KCNAB1: variants seen among roughly 807,000 people sequenced by gnomAD.
KCNAB1 encodes potassium voltage-gated channel subfamily A regulatory beta subunit 1.
KCNAB1 carries 35 observed loss-of-function variants against 64.6 expected under a neutral mutation model. The ratio of observed to expected loss-of-function variants is 0.54; its 90% confidence interval spans 0.41 to 0.72. KCNAB1 has a LOEUF of 0.72. Ranked by LOEUF, KCNAB1 falls within the 30% of genes least tolerant of loss-of-function variation. The pLI, the probability that KCNAB1 is intolerant of heterozygous loss-of-function variation, is 0.00. For synonymous variants in KCNAB1, 177 were observed against 183.8 expected (o/e 0.96, Z 0.30); for missense variants, 401 against 512.9 (o/e 0.78, Z 2.11).
intron 8 of KCNAB1, among the ~76,000 whole-genome samples, chr3:156,480,356 C>G (rs1006141467): frequency 5.3e-5 from 8 of 151,176 alleles, no homozygotes; most frequent in African/African-American, 1.9e-4. Context: ...GAGAGAGGAA[C>G]AACACATATC....
chr3:156,411,399 A>T (rs1342709075), intron 1 of KCNAB1, among the ~76,000 whole-genome samples: 1 of 152,124 alleles, frequency 6.6e-6, no homozygotes, highest in Non-Finnish European at 1.5e-5. Context: ...TTAATGGATC[A>T]TCTTTTTTAT....
At chr3:156,490,676 T>TA (rs919772214) in intron 8 of KCNAB1, among the ~76,000 whole-genome samples, 8 of 151,864 alleles carry the variant, frequency 5.3e-5, no homozygotes, top group Non-Finnish European at 1.2e-4. Context: ...GAATGGACAA[T>TA]AGGAGAGAAA....
At chr3:156,481,585 G>A (rs984470927) in intron 8 of KCNAB1, among the ~76,000 whole-genome samples, 8 of 151,878 alleles carry the variant, frequency 5.3e-5, no homozygotes, top group South Asian at 4.1e-4. Flanking sequence ...TATTTCATCC[G>A]TCCTAAGAAA....
At position 156,299,075 on chromosome 3, in the gene KCNAB1, G is replaced by A. The variant is rs755404912; in HGVS notation, c.276-122541G>A. Among the ~76,000 whole-genome samples the A allele has an allele frequency of 4.6e-5, 7 of 152,330 alleles. No individual in the cohort carries two copies. The South Asian group carries it at 1.2e-3, about 27-fold the overall frequency. On this transcript the variant is annotated intron_variant, in intron 1 of 13. Coordinates refer to ENST00000490337, the MANE Select transcript of KCNAB1 (RefSeq NM_172160.3). Reference sequence around the variant, plus strand: ...TATAGATTGGCCAGTTAGTTCCTTGGTCAGAGTTACCCATGAAGTTGGGCA... The same window carrying A: ...TATAGATTGGCCAGTTAGTTCCTTGATCAGAGTTACCCATGAAGTTGGGCA...
chr3:156,381,872 A>G (rs1390493301), intron 1 of KCNAB1, among the ~76,000 whole-genome samples: 4 of 152,254 alleles, frequency 2.6e-5, no homozygotes, highest in South Asian at 4.1e-4. Flanking sequence ...CAACTGCCAC[A>G]TTAGCCTTGC....
At chr3:156,166,327 AG>A (rs1394371902) in intron 1 of KCNAB1, among the ~76,000 whole-genome samples, 1 of 152,232 alleles carries the variant, frequency 6.6e-6, no homozygotes, top group Non-Finnish European at 1.5e-5. Context: ...ATACATAAAA[AG>A]GGTCTAGAAA....
intron 1 of KCNAB1, among the ~76,000 whole-genome samples, chr3:156,203,575 A>G (rs1040854056): frequency 6.6e-6 from 1 of 152,256 alleles, no homozygotes; most frequent in Admixed American, 6.5e-5. Flanking sequence ...ACGTTAACAC[A>G]TGTTCAAAAT....
rs869236940 is a variant in KCNAB1 at position 156,504,740 on chromosome 3, TTG to T, written c.659-9622_659-9621del. 4.0e-3 allele frequency among the ~76,000 whole-genome samples: 498 copies of T among 125,180 alleles called. 5 individuals carry two copies. The highest frequency in any genetic ancestry group is 0.012 in the South Asian group (47 of 3,892). The allele number at this position is 125,180 out of a possible 152,430, so 82.1% of individuals were successfully genotyped here. On this transcript the variant is annotated intron_variant, in intron 8 of 13. Transcript: ENST00000490337. Reference sequence around the variant, plus strand: ...TTAAATTGGATTACTTGTTTTGTTTTTGTTTTTTTTGTTTTTTTTTTTTTGCT... The same window carrying T: ...TTAAATTGGATTACTTGTTTTGTTTTTTTTTTTTGTTTTTTTTTTTTTGCT...
Position 156,474,884 on chromosome 3 carries a change from T to C in KCNAB1, c.658+64T>C, listed in dbSNP as rs1714226053. 1.2e-5 allele frequency: 14 copies of C among 1,191,304 alleles called. No individual in the cohort carries two copies. In the South Asian group the frequency reaches 1.6e-4, roughly 13 times the overall value. 73.8% of individuals were successfully genotyped at this position (1,191,304 alleles called of 1,614,324 possible). ...GATTCAGTTTGAGGGCTTATTCTGCTCACAGCAGGAAATGAATTGTATTCA... is the reference window on the plus strand; with the variant it reads ...GATTCAGTTTGAGGGCTTATTCTGCCCACAGCAGGAAATGAATTGTATTCA... On this transcript the variant is annotated intron_variant, in intron 8 of 13. Transcript: ENST00000490337.
intron 1 of KCNAB1, among the ~76,000 whole-genome samples, chr3:156,313,395 C>G (rs903230972): frequency 5.3e-5 from 8 of 152,124 alleles, no homozygotes; most frequent in African/African-American, 9.7e-5. Flanking sequence ...AATTTAGGAT[C>G]TTGAGACGGG....
At chr3:156,256,248 C>A (rs1478998124) in intron 1 of KCNAB1, among the ~76,000 whole-genome samples, 1 of 152,210 alleles carries the variant, frequency 6.6e-6, no homozygotes. Flanking sequence ...TCCCAGAAAT[C>A]TGGCCTTTCT....
chr3:156,478,312 T>C (rs1714530810), intron 8 of KCNAB1, among the ~76,000 whole-genome samples: 1 of 152,214 alleles, frequency 6.6e-6, no homozygotes, highest in Admixed American at 6.5e-5. Flanking sequence ...TGAGTATTTA[T>C]ATATTAAATC....
chr3:156,478,487 C>T (rs1401917603), intron 8 of KCNAB1, among the ~76,000 whole-genome samples: 4 of 152,082 alleles, frequency 2.6e-5, no homozygotes, highest in Admixed American at 6.6e-5. Flanking sequence ...TTCAGCCCAA[C>T]CCAGTGCTTG....
chr3:156,312,703 CAA>C (rs397991453), intron 1 of KCNAB1, among the ~76,000 whole-genome samples: 730 of 27,258 alleles, frequency 0.027, 1 homozygote, highest in African/African-American at 0.082. Flanking sequence ...AGACTGTCTC[CAA>C]AAAAAAAAAA....
intron 1 of KCNAB1, among the ~76,000 whole-genome samples, chr3:156,180,481 T>G (rs192957584): frequency 6.6e-6 from 1 of 152,312 alleles, no homozygotes; most frequent in East Asian, 1.9e-4. Flanking sequence ...GGATATTCAG[T>G]ATCAGGAAAA....
At chr3:156,242,450 A>G (rs1168766423) in intron 1 of KCNAB1, among the ~76,000 whole-genome samples, 1 of 152,068 alleles carries the variant, frequency 6.6e-6, no homozygotes, top group Non-Finnish European at 1.5e-5. Context: ...CGCTTCCCAC[A>G]TGCTTCTGTT....
At chr3:156,505,149 T>A (rs1276561672) in intron 8 of KCNAB1, among the ~76,000 whole-genome samples, 1 of 152,156 alleles carries the variant, frequency 6.6e-6, no homozygotes, top group Non-Finnish European at 1.5e-5. Context: ...TTCCCAGAAC[T>A]ATTTATTGAA....
intron 8 of KCNAB1, among the ~76,000 whole-genome samples, chr3:156,513,605 C>T (rs1348550329): frequency 3.3e-5 from 5 of 152,188 alleles, no homozygotes; most frequent in African/African-American, 7.2e-5. Context: ...CTGGCTGGTG[C>T]CAAGAGGATT....
intron 1 of KCNAB1, among the ~76,000 whole-genome samples, chr3:156,286,066 G>A (rs1180990029): frequency 6.6e-6 from 1 of 152,176 alleles, no homozygotes; most frequent in Non-Finnish European, 1.5e-5. Flanking sequence ...CTCAGTGGAG[G>A]TTCTCTGGTG....
Sources: gnomAD v4.1 joint callset for allele counts (sites outside exome capture counted in the v4.1 genomes callset) on GRCh38, gnomAD v4.1.1 for gene constraint, MANE v1.5 for transcripts, NCBI Gene and HGNC (gene_info 2026-07-23, HGNC 2026-07-21) for gene names.